GFRA4: variants seen among roughly 807,000 people sequenced by gnomAD.
The protein encoded by GFRA4 is GDNF family receptor alpha-4.
Under a neutral mutation model 28.5 loss-of-function variants are expected in GFRA4, and 31 were observed. The observed-to-expected ratio is 1.09, with a 90% confidence interval of 0.82 to 1.47. The LOEUF (loss-of-function observed/expected upper bound fraction) is 1.47. Ranked by LOEUF, GFRA4 falls within the 40% of genes most tolerant of loss-of-function variation. The pLI is 0.00. For synonymous variants in GFRA4, 188 were observed against 188.0 expected, an observed-to-expected ratio of 1.00 and a Z score of 0.00; for missense variants, 389 against 413.2, an observed-to-expected ratio of 0.94 and a Z score of 0.51.
In GFRA4 at chr20:3,660,741, C is replaced by A; in HGVS notation, c.502+14G>T. ...GAGAACCCCCGCCCTCGCCCGGATC[C>A]CGGCCGCGCGTACCCACGAGGCCCG... On this transcript the variant is annotated intron_variant, in intron 3 of 5. Transcript: ENST00000290417. 1 of 1,434,970 alleles carries A rather than the reference C, an allele frequency of 7.0e-7. No individual in the cohort carries two copies. The allele number at this position is 1,434,970 out of a possible 1,614,324, so 88.9% of individuals were successfully genotyped here. A position where few individuals can be genotyped will look rare whatever the true frequency, so the allele number is the denominator to read the frequency against.
Position 3,660,931 on chromosome 20 carries a change from C to T in GFRA4, c.392+13G>A. On this transcript the variant is annotated intron_variant, in intron 2 of 5. Transcript: ENST00000290417. ...CCCACCCTCGCCACGGCCCCGCCGC[C>T]GCCCGCGCGCACCTGCAGACCCGGC... 7.2e-7 allele frequency: 1 copy of T among 1,381,452 alleles called. No homozygotes were observed. Among genetic ancestry groups the T allele is most frequent in the Non-Finnish European group, 9.3e-7 (1 of 1,079,198 alleles). 85.6% of individuals were successfully genotyped at this position (1,381,452 alleles called of 1,614,324 possible). A position where few individuals can be genotyped will look rare whatever the true frequency, so the allele number is the denominator to read the frequency against.
chr20:3,660,306 G>A (rs2087203730), intron 4 of GFRA4, 57 bp from the exon 5 acceptor site: 1 of 1,405,118 alleles, frequency 7.1e-7, no homozygotes, highest in African/African-American at 1.4e-5. Flanking sequence ...ACAGGGCTCA[G>A]CACAGGGGAC....
chr20:3,660,565 C>T lies in GFRA4; in HGVS notation c.598G>A (p.Glu200Lys), dbSNP rs889271205. ...CTGGTAAAGAGCCCCCGGAAGGCTT[C>T]GCAGTCCTCACGCCGGTTCCCGCTG... Reference protein sequence around the residue: ...GASGNRREDCEAFRGLFTRNR... With the variant: ...GASGNRREDCKAFRGLFTRNR... The change falls in exon 4 of 6, where the codon GAA (glutamate) becomes AAA (lysine). Residue 200 changes from glutamate to lysine, a missense_variant. By Grantham distance (56) the Glu-to-Lys change is moderately conservative (BLOSUM62 1). Coordinates refer to ENST00000290417, the MANE Select transcript of GFRA4 (RefSeq NM_022139.4). The T allele has an allele frequency of 1.9e-6, 3 of 1,549,424 alleles. No individual in the cohort carries two copies. The South Asian group carries it at 3.6e-5, about 18-fold the overall frequency.
In GFRA4 at chr20:3,659,847, A is replaced by C; in HGVS notation, c.*62T>G. On this transcript the variant is annotated 3_prime_UTR_variant, in exon 6 of 6. Transcript: ENST00000290417. The stretch of plus-strand genomic sequence containing the variant: ...CCTTCTCAAGGGGCCAGTAGGCCAC[A>C]GAGGCGGCCCAGGCAGGCAGGGTGG... The C allele has an allele frequency of 1.4e-6, 2 of 1,476,762 alleles. No homozygotes were observed. Among genetic ancestry groups the C allele is most frequent in the Non-Finnish European group, 1.9e-6 (2 of 1,078,956 alleles). 91.5% of individuals were successfully genotyped at this position (1,476,762 alleles called of 1,614,324 possible).
At position 3,660,794 on chromosome 20, in the gene GFRA4, G is replaced by A; in HGVS notation, c.463C>T (p.Gln155Ter). ...TAGGCGCGCAGGCAGCGGGCGCCCT[G>A]GTCCAGCAGGCAGCCGTCGGGGGCG... ...PSAPDGCLLD[Q>*]GARCLRAYAG... The change falls in exon 3 of 6, where the codon CAG (glutamine) becomes TAG (stop). Residue 155 changes from glutamine to a stop codon, truncating the protein, a stop_gained. Coordinates refer to ENST00000290417, the MANE Select transcript of GFRA4 (RefSeq NM_022139.4). LOFTEE classifies it high-confidence loss of function. 7.1e-7 allele frequency: 1 copy of A among 1,413,532 alleles called. No individual in the cohort carries two copies. 87.6% of individuals were successfully genotyped at this position (1,413,532 alleles called of 1,614,324 possible).
rs1045991815 is a variant in GFRA4 at position 3,660,920 on chromosome 20, G to A, written c.392+24C>T. ...GAGGCCCCGTCCCCACCCTCGCCAC[G>A]GCCCCGCCGCCGCCCGCGCGCACCT... On this transcript the variant is annotated intron_variant, in intron 2 of 5. Transcript: ENST00000290417. The A allele has an allele frequency of 1.5e-5, 21 of 1,378,886 alleles. 1 individual carries two copies. In the African/African-American group the frequency reaches 2.5e-4, roughly 16 times the overall value. The allele number at this position is 1,378,886 out of a possible 1,614,324, so 85.4% of individuals were successfully genotyped here. A position where few individuals can be genotyped will look rare whatever the true frequency, so the allele number is the denominator to read the frequency against.
In GFRA4 at chr20:3,660,496, TCCCCCTCCACTC is replaced by T; in HGVS notation, c.637+18_637+29del. ...AGGGGGCAGTAAGCGCCGCCCCCAC[TCCCCCTCCACTC>T]CCCCCCGGGCCCCTCACCCAAGCAG... On this transcript the variant is annotated intron_variant, in intron 4 of 5. Coordinates refer to ENST00000290417, the MANE Select transcript of GFRA4 (RefSeq NM_022139.4). 1.4e-6 allele frequency: 1 copy of T among 737,250 alleles called. No individual in the cohort carries two copies. Among genetic ancestry groups the T allele is most frequent in the Non-Finnish European group, 2.1e-6 (1 of 486,646 alleles). 45.7% of individuals were successfully genotyped at this position (737,250 alleles called of 1,614,324 possible).
In GFRA4 at chr20:3,661,128, G is replaced by A; in HGVS notation, c.208C>T (p.Arg70Cys). Residue 70 changes from arginine (R) to cysteine (C), a missense_variant, in exon 2 of 6, where the codon CGC (arginine) becomes TGC (cysteine). Physicochemically the swap from Arg to Cys is radical, Grantham distance 180. Transcript: ENST00000290417. ...GCGGGCGGCCCGCGGGCGAAGAAGC[G>A]GCGCAGGGCCCGGCGGCAGCGGGCG... ...PRARCRRALR[R>C]FFARGPPALT... The A allele has an allele frequency of 7.7e-7, 1 of 1,306,138 alleles. No homozygotes were observed. The highest frequency in any genetic ancestry group is 9.7e-7 in the Non-Finnish European group (1 of 1,035,346). The allele number at this position is 1,306,138 out of a possible 1,614,324, so 80.9% of individuals were successfully genotyped here. A position where few individuals can be genotyped will look rare whatever the true frequency, so the allele number is the denominator to read the frequency against.
Position 3,660,671 on chromosome 20 carries a change from C to T in GFRA4, c.503-11G>A. The T allele has an allele frequency of 6.5e-7, 1 of 1,542,466 alleles. No homozygotes were observed. Among genetic ancestry groups the T allele is most frequent in the Non-Finnish European group, 8.7e-7 (1 of 1,143,636 alleles). On this transcript the variant is annotated splice_polypyrimidine_tract_variant and intron_variant, in intron 3 of 5. Coordinates refer to ENST00000290417, the MANE Select transcript of GFRA4 (RefSeq NM_022139.4). Reference sequence around the variant, plus strand: ...GGGTGACGGCGGTGCCTGCGGGGACCCTGAGGGCGAAGTCATCGGCCCACC... The same window carrying T: ...GGGTGACGGCGGTGCCTGCGGGGACTCTGAGGGCGAAGTCATCGGCCCACC...
Position 3,661,241 on chromosome 20 carries a change from G to C in GFRA4, c.95C>G (p.Ala32Gly), listed in dbSNP as rs1394324896. Residue 32 changes from alanine to glycine, a missense_variant, in exon 2 of 6, where the codon GCC (alanine) becomes GGC (glycine). Coordinates refer to ENST00000290417, the MANE Select transcript of GFRA4 (RefSeq NM_022139.4). Reference sequence around the variant, plus strand: ...CTGGCACCGCGCGTCCGCCGTGCAGGCTTCGGCCGCGTCCACACATCGGTT... The same window carrying C: ...CTGGCACCGCGCGTCCGCCGTGCAGCCTTCGGCCGCGTCCACACATCGGTT... ...GGNRCVDAAE[A>G]CTADARCQRL... 2.0e-6 allele frequency: 3 copies of C among 1,501,330 alleles called. No individual in the cohort carries two copies. The East Asian group carries it at 8.4e-5, about 42-fold the overall frequency. 93.0% of individuals were successfully genotyped at this position (1,501,330 alleles called of 1,614,324 possible). A position where few individuals can be genotyped will look rare whatever the true frequency, so the allele number is the denominator to read the frequency against.
rs2146336671 is a variant in GFRA4, at chr20:3,659,540, T to C, written c.*369A>G. On this transcript the variant is annotated 3_prime_UTR_variant, in exon 6 of 6. Coordinates refer to ENST00000290417, the MANE Select transcript of GFRA4 (RefSeq NM_022139.4). ...ATACAATTTCCTAGAATTCTGGGAT[T>C]CTGGATGGTCTCTGACCTGCTCTAG... 1 of 257,764 alleles carries C rather than the reference T, an allele frequency of 3.9e-6. No homozygotes were observed. The highest frequency in any genetic ancestry group is 1.0e-4 in the East Asian group (1 of 9,874). The allele number at this position is 257,764 out of a possible 1,614,324, so 16.0% of individuals were successfully genotyped here.
chr20:3,662,755 C>T (rs529088312), intron 1 of GFRA4, among the ~76,000 whole-genome samples: 1 of 152,336 alleles, frequency 6.6e-6, no homozygotes, highest in South Asian at 2.1e-4. Flanking sequence ...CAGCTGCACA[C>T]ACCAGCACCT....
At position 3,660,628 on chromosome 20, in the gene GFRA4, C is replaced by T; in HGVS notation, c.535G>A (p.Val179Met). ...TAVTPNYVDN[V>M]SARVAPWCDC... ...CACCAGGGCGCCACGCGCGCGCTCA[C>T]GTTGTCCACGTAGTTAGGGGTGACG... is the stretch of plus-strand genomic sequence containing the variant. Residue 179 changes from valine (V) to methionine (M), a missense_variant, in exon 4 of 6, where the codon GTG becomes ATG. Physicochemically the swap from Val to Met is conservative, Grantham distance 21. Transcript: ENST00000290417. The T allele has an allele frequency of 6.4e-7, 1 of 1,551,584 alleles. No individual in the cohort carries two copies. The highest frequency in any genetic ancestry group is 8.7e-7 in the Non-Finnish European group (1 of 1,147,714).
chr20:3,660,283 G>A, intron 4 of GFRA4, 34 bp from the exon 5 acceptor site: 4 of 1,543,688 alleles, frequency 2.6e-6, no homozygotes, highest in Non-Finnish European at 3.5e-6. Flanking sequence ...GGACTTAGCT[G>A]GGAAACCCTA....
rs1315205000 is a variant in GFRA4 at position 3,663,388 on chromosome 20, G to T, written c.12C>A (p.Cys4Ter). The T allele has an allele frequency of 1.2e-6, 2 of 1,610,620 alleles. No homozygotes were observed. Among genetic ancestry groups the T allele is most frequent in the Non-Finnish European group, 1.7e-6 (2 of 1,179,230 alleles). The change falls in exon 1 of 6, where the codon TGC becomes TGA. Residue 4 changes from cysteine (C) to a stop codon, truncating the protein, a stop_gained. Coordinates refer to ENST00000290417, the MANE Select transcript of GFRA4 (RefSeq NM_022139.4). LOFTEE classifies it high-confidence loss of function. The part of the protein sequence containing the change: MVR[C>*]LGPALLLLLL... ...GCAGCAGCAGCAGCGCAGGCCCCAGGCAGCGGACCATGCTGGACCTTCAAC... is the reference window on the plus strand; with the variant it reads ...GCAGCAGCAGCAGCGCAGGCCCCAGTCAGCGGACCATGCTGGACCTTCAAC...
chr20:3,661,002 G>A lies in GFRA4; in HGVS notation c.334C>T (p.Pro112Ser). ...GGCTCAAGGCAGGAGGGCGGCGCGG[G>A]GCCGGGCCCCGAAAAGGCGCAGGAG... ...VPSCAFSGPG[P>S]APPSCLEPLN... Residue 112 changes from proline (P) to serine (S), a missense_variant, in exon 2 of 6, where the codon CCC becomes TCC. Physicochemically the swap from Pro to Ser is moderately conservative, Grantham distance 74. Transcript: ENST00000290417. 6.9e-7 allele frequency: 1 copy of A among 1,458,586 alleles called. No homozygotes were observed. The highest frequency in any genetic ancestry group is 3.1e-5 in the East Asian group (1 of 32,252). 90.4% of individuals were successfully genotyped at this position (1,458,586 alleles called of 1,614,324 possible).
In GFRA4 at chr20:3,660,742, C is replaced by G. The variant is rs1320622235; in HGVS notation, c.502+13G>C. On this transcript the variant is annotated intron_variant, in intron 3 of 5. Transcript: ENST00000290417. ...AGAACCCCCGCCCTCGCCCGGATCC[C>G]GGCCGCGCGTACCCACGAGGCCCGC... 3 of 1,433,506 alleles carry G rather than the reference C, an allele frequency of 2.1e-6. No homozygotes were observed. Among genetic ancestry groups the G allele is most frequent in the Non-Finnish European group, 2.7e-6 (3 of 1,099,274 alleles). 88.8% of individuals were successfully genotyped at this position (1,433,506 alleles called of 1,614,324 possible).
In GFRA4 at chr20:3,659,255, T is replaced by G. The variant is rs2087191612; in HGVS notation, c.*654A>C. On this transcript the variant is annotated 3_prime_UTR_variant, in exon 6 of 6. Transcript: ENST00000290417. ...AGACCACATAAAAGCAAGGTCAGTC[T>G]CAGCACACAGATTTAATAAGCACTG... The G allele has an allele frequency of 6.5e-6, 1 of 153,394 alleles. No individual in the cohort carries two copies. Among genetic ancestry groups the G allele is most frequent in the Admixed American group, 6.5e-5 (1 of 15,476 alleles). 9.5% of individuals were successfully genotyped at this position (153,394 alleles called of 1,614,324 possible).
In GFRA4 at chr20:3,661,307, A is replaced by C; in HGVS notation, c.47-18T>G. ...CGCCGACCCTGGGAAAGGCGCGGGG[A>C]GGCTGCAGGTCTCAGTGCGCCCCGC... On this transcript the variant is annotated intron_variant, in intron 1 of 5. Coordinates refer to ENST00000290417, the MANE Select transcript of GFRA4 (RefSeq NM_022139.4). 1 of 1,446,608 alleles carries C rather than the reference A, an allele frequency of 6.9e-7. No homozygotes were observed. The highest frequency in any genetic ancestry group is 1.4e-5 in the South Asian group (1 of 72,614). The allele number at this position is 1,446,608 out of a possible 1,614,324, so 89.6% of individuals were successfully genotyped here.
Sources: allele counts gnomAD v4.1 joint callset (sites outside exome capture counted in the v4.1 genomes callset), GRCh38; gene constraint gnomAD v4.1.1; transcripts MANE v1.5; gene names NCBI Gene and HGNC (gene_info 2026-07-23, HGNC 2026-07-21).